ADAMTS14: variants seen among roughly 807,000 people sequenced by gnomAD.
The protein encoded by ADAMTS14 is ADAM metallopeptidase with thrombospondin type 1 motif 14.
ADAMTS14 carries 100 observed loss-of-function variants against 128.6 expected under a neutral mutation model. The observed-to-expected ratio is 0.78, with a 90% CI of 0.66 to 0.92. The LOEUF (loss-of-function observed/expected upper bound fraction) is 0.92. ADAMTS14 is among the 40% of genes least tolerant of loss of function. The pLI, the probability that ADAMTS14 is intolerant of heterozygous loss-of-function variation, is 0.00. For synonymous variants in ADAMTS14, 665 were observed against 653.8 expected, an observed-to-expected ratio of 1.02 and a Z score of -0.26; for missense variants, 1,562 against 1,658.6, an observed-to-expected ratio of 0.94 and a Z score of 1.01.
rs749718374 is a variant in ADAMTS14, at chr10:70,752,203, A to C, written c.2705A>C (p.Asn902Thr). 1.2e-6 allele frequency: 2 copies of C among 1,613,738 alleles called. No individual in the cohort carries two copies. The highest frequency in any genetic ancestry group is 1.7e-6 in the Non-Finnish European group (2 of 1,179,946). Residue 902 changes from asparagine to threonine, a missense_variant, in exon 18 of 22, where the codon AAC becomes ACC. Transcript: ENST00000373207. ...CCCAAGCCCATCCGCCGGCGCTGCA[A>C]CCAGCACCCGTGCTCTCAGCCTGTG... ...KRPKPIRRRC[N>T]QHPCSQPVWV...
At chr10:70,730,073 G>A in intron 5 of ADAMTS14, 29 bp from the exon 6 acceptor site, 1 of 1,562,400 alleles carries the variant, frequency 6.4e-7, no homozygotes, top group Non-Finnish European at 8.7e-7. Flanking sequence ...CCCTCCACGT[G>A]GCTGTTGGTG....
chr10:70,751,728 C>T (rs1842357804), intron 17 of ADAMTS14, 82 bp downstream of exon 17: 3 of 1,519,104 alleles, frequency 2.0e-6, no homozygotes, highest in South Asian at 2.4e-5. Flanking sequence ...CTGATGTTGT[C>T]TCCATTTGAT....
At chr10:70,686,871 CG>C (rs747564522) in intron 2 of ADAMTS14, among the ~76,000 whole-genome samples, 21 of 42,938 alleles carry the variant, frequency 4.9e-4, no homozygotes, top group East Asian at 2.2e-3. Flanking sequence ...GCTGGCTGGG[CG>C]GGGGGGGCTG....
At chr10:70,735,928 GC>G (rs890986134) in intron 9 of ADAMTS14, among the ~76,000 whole-genome samples, 9 of 152,340 alleles carry the variant, frequency 5.9e-5, no homozygotes, top group Admixed American at 5.2e-4. Context: ...AAGGGGGCAG[GC>G]CTTGGGGACC....
rs1175773892 is a variant in ADAMTS14 at position 70,761,133 on chromosome 10, T to A, written c.*280T>A. 1.0e-5 allele frequency: 4 copies of A among 384,816 alleles called. No homozygotes were observed. 23.8% of individuals were successfully genotyped at this position (384,816 alleles called of 1,614,324 possible). ...TTGGTCTCCCCTGCCAAGACCAGGG[T>A]CAACTATTGCTCCCTCCTCACAGAC... is the stretch of plus-strand genomic sequence containing the variant. On this transcript the variant is annotated 3_prime_UTR_variant, in exon 22 of 22. Coordinates refer to ENST00000373207, the MANE Select transcript of ADAMTS14 (RefSeq NM_080722.4).
chr10:70,751,409 C>A, intron 16 of ADAMTS14, 69 bp from the exon 17 acceptor site: 1 of 1,492,612 alleles, frequency 6.7e-7, no homozygotes, highest in Non-Finnish European at 9.2e-7. Context: ...TCTTCGGCCC[C>A]TCCCCTCCCA....
chr10:70,729,419 G>C, intron 5 of ADAMTS14, 42 bp downstream of exon 5: 2 of 1,526,460 alleles, frequency 1.3e-6, no homozygotes, highest in Non-Finnish European at 1.8e-6. Context: ...GGGGAGAAGG[G>C]TTGTGGGGCC....
chr10:70,754,978 C>G (rs1160958374), intron 19 of ADAMTS14, among the ~76,000 whole-genome samples: 1 of 152,130 alleles, frequency 6.6e-6, no homozygotes, highest in Admixed American at 6.5e-5. Flanking sequence ...TTGAGAACAT[C>G]ATGCCAAGTA....
Position 70,674,658 on chromosome 10 carries a change from C to T in ADAMTS14, c.185C>T (p.Ala62Val), listed in dbSNP as rs146369407. ...FLSHVVSGPAAASAGSMVVDT... is the reference protein window; with the variant it reads ...FLSHVVSGPAVASAGSMVVDT... ...TCCCACGTGGTGTCTGGCCCAGCAG[C>T]AGCCTCTGCAGGGAGCATGGTAGTG... The change falls in exon 2 of 22, where the codon GCA becomes GTA. Residue 62 changes from alanine to valine, a missense_variant. Coordinates refer to ENST00000373207, the MANE Select transcript of ADAMTS14 (RefSeq NM_080722.4). The T allele has an allele frequency of 2.5e-6, 4 of 1,613,628 alleles. No individual in the cohort carries two copies. Among genetic ancestry groups the T allele is most frequent in the African/African-American group, 2.7e-5 (2 of 75,070 alleles).
At chr10:70,675,120 G>C in intron 2 of ADAMTS14, 125 bp downstream of exon 2, 2 of 1,209,702 alleles carry the variant, frequency 1.7e-6, no homozygotes, top group Non-Finnish European at 2.3e-6. Context: ...GCCTTCCAGA[G>C]GGAGTGCCGC....
chr10:70,751,960 T>C, intron 17 of ADAMTS14, 135 bp from the exon 18 acceptor site: 1 of 1,316,244 alleles, frequency 7.6e-7, no homozygotes, highest in Non-Finnish European at 1.0e-6. Context: ...GAAAGTGACG[T>C]GGGCAGGCGG....
chr10:70,744,828 C>T (rs2132717703), intron 14 of ADAMTS14, among the ~76,000 whole-genome samples: 1 of 152,212 alleles, frequency 6.6e-6, no homozygotes, highest in South Asian at 2.1e-4. Flanking sequence ...TCAGGACAGT[C>T]ATGTGGAGTC....
rs1205347366 is a variant in ADAMTS14, at chr10:70,758,047, A to T, written c.3023A>T (p.Asp1008Val). The T allele has an allele frequency of 6.2e-7, 1 of 1,613,514 alleles. No homozygotes were observed. Among genetic ancestry groups the T allele is most frequent in the African/African-American group, 1.3e-5 (1 of 74,910 alleles). Residue 1008 changes from aspartate (D) to valine (V), a missense_variant, in exon 20 of 22, where the codon GAT becomes GTT. Transcript: ENST00000373207. ...AACAGCCTCGGGCATTGCGAGGGGGATAGGCCAGACACTGTCCAGGTCTGC... is the reference window on the plus strand; with the variant it reads ...AACAGCCTCGGGCATTGCGAGGGGGTTAGGCCAGACACTGTCCAGGTCTGC... ...NANSLGHCEG[D>V]RPDTVQVCSL...
In ADAMTS14 at chr10:70,761,268, C is replaced by A; in HGVS notation, c.*415C>A. On this transcript the variant is annotated 3_prime_UTR_variant, in exon 22 of 22. Coordinates refer to ENST00000373207, the MANE Select transcript of ADAMTS14 (RefSeq NM_080722.4). ...CCTGTGGAGGCCCTGCATATTTGGCCCCTCTCCCCAGAAAGGCAAAGCAGG... is the reference window on the plus strand; with the variant it reads ...CCTGTGGAGGCCCTGCATATTTGGCACCTCTCCCCAGAAAGGCAAAGCAGG... 1 of 163,908 alleles carries A rather than the reference C, an allele frequency of 6.1e-6. No individual in the cohort carries two copies. The highest frequency in any genetic ancestry group is 1.9e-4 in the South Asian group (1 of 5,212). 10.2% of individuals were successfully genotyped at this position (163,908 alleles called of 1,614,324 possible).
At chr10:70,691,487 TA>T (rs11373533) in intron 2 of ADAMTS14, among the ~76,000 whole-genome samples, 1,560 of 86,694 alleles carry the variant, frequency 0.018, 67 homozygotes, top group African/African-American at 0.056. Flanking sequence ...GAGACCCTGT[TA>T]AAAAAAAAAA....
intron 21 of ADAMTS14, 75 bp downstream of exon 21, chr10:70,758,360 A>AAAG: frequency 1.5e-6 from 2 of 1,356,848 alleles, no homozygotes; most frequent in Non-Finnish European, 2.0e-6. Context: ...TGGGCCACTC[A>AAAG]GTGGAGCAAA....
chr10:70,723,144 C>T (rs1841323132), intron 4 of ADAMTS14, among the ~76,000 whole-genome samples: 1 of 152,168 alleles, frequency 6.6e-6, no homozygotes, highest in South Asian at 2.1e-4. Context: ...TAGCCCCCAT[C>T]TAACCATGAG....
Position 70,760,534 on chromosome 10 carries a change from G to A in ADAMTS14, c.3353G>A (p.Gly1118Glu), listed in dbSNP as rs1346982308. ...PTSLPPFSTP[G>E]SPLPGPQDPA... ...TCACTGCCCCCCTTCTCCACTCCTG[G>A]AAGCCCCTTACCAGGACCCCAGGAC... The change falls in exon 22 of 22, where the codon GGA (glycine) becomes GAA (glutamate). Residue 1118 changes from glycine to glutamate, a missense_variant. Physicochemically the swap from Gly to Glu is moderately conservative, Grantham distance 98. Transcript: ENST00000373207. The A allele has an allele frequency of 6.2e-7, 1 of 1,613,468 alleles. No homozygotes were observed. Among genetic ancestry groups the A allele is most frequent in the East Asian group, 2.2e-5 (1 of 44,876 alleles).
chr10:70,686,960 C>T (rs1230882025), intron 2 of ADAMTS14, among the ~76,000 whole-genome samples: 6 of 85,570 alleles, frequency 7.0e-5, no homozygotes, highest in Admixed American at 2.1e-4. Flanking sequence ...CCGGACGGGG[C>T]GGCTGGCCGG....
Sources: gnomAD v4.1 joint callset for allele counts (sites outside exome capture counted in the v4.1 genomes callset) on GRCh38, gnomAD v4.1.1 for gene constraint, MANE v1.5 for transcripts, NCBI Gene and HGNC (gene_info 2026-07-23, HGNC 2026-07-21) for gene names.